Variants in CTNNA2 observed in about 807,000 individuals in gnomAD.
The protein encoded by CTNNA2 is catenin alpha 2.
In CTNNA2, 42 loss-of-function variants were observed where a neutral mutation model predicts 101.0. That is an observed-to-expected ratio of 0.42 (90% CI 0.32 to 0.54). CTNNA2 has a LOEUF of 0.54. Ranked by LOEUF, CTNNA2 falls within the 20% of genes least tolerant of loss-of-function variation. CTNNA2 has a pLI of 0.14. For missense variants in CTNNA2, 871 were observed against 1,223.1 expected (o/e 0.71, Z 4.29); for synonymous variants, 450 against 456.4 (o/e 0.99, Z 0.18).
chr2:79,272,021 C>T (rs984136381), intron 2 of CTNNA2, among the ~76,000 whole-genome samples: 1 of 151,992 alleles, frequency 6.6e-6, no homozygotes. Flanking sequence ...TCATACTGGT[C>T]TCTAGTGACT....
chr2:79,669,095 C>T (rs1261314478), intron 2 of CTNNA2, among the ~76,000 whole-genome samples: 2 of 152,092 alleles, frequency 1.3e-5, no homozygotes, highest in Non-Finnish European at 2.9e-5. Context: ...CAGTTGGAAG[C>T]ATTAGTACAT....
chr2:79,589,762 C>T (rs1214400014), intron 1 of CTNNA2, among the ~76,000 whole-genome samples: 5 of 150,288 alleles, frequency 3.3e-5, no homozygotes, highest in Admixed American at 1.3e-4. Context: ...ATCAGGACGG[C>T]GTGGAAACTA....
intron 1 of CTNNA2, among the ~76,000 whole-genome samples, chr2:79,610,751 A>C (rs1185171977): frequency 1.3e-5 from 2 of 152,136 alleles, no homozygotes; most frequent in African/African-American, 2.4e-5. Context: ...GAAGGAGCAC[A>C]AGGAAACCTT....
chr2:80,592,444 G>C (rs936154211), intron 15 of CTNNA2, among the ~76,000 whole-genome samples: 4 of 152,088 alleles, frequency 2.6e-5, no homozygotes, highest in African/African-American at 9.7e-5. Flanking sequence ...TTGACCTTTA[G>C]GCTTCTGTCC....
At chr2:79,777,596 T>C (rs1051972674) in intron 3 of CTNNA2, among the ~76,000 whole-genome samples, 1 of 152,132 alleles carries the variant, frequency 6.6e-6, no homozygotes, top group Non-Finnish European at 1.5e-5. Context: ...GCAGAGAGCT[T>C]GCCCCATTCT....
intron 7 of CTNNA2, among the ~76,000 whole-genome samples, chr2:80,173,949 T>C (rs963584057): frequency 6.6e-6 from 1 of 152,164 alleles, no homozygotes; most frequent in African/African-American, 2.4e-5. Context: ...CAACACCCTC[T>C]ACTGACATAA....
chr2:79,976,957 T>C (rs1483263895), intron 7 of CTNNA2, among the ~76,000 whole-genome samples: 1 of 152,198 alleles, frequency 6.6e-6, no homozygotes, highest in African/African-American at 2.4e-5. Context: ...AGACTTGTTC[T>C]CAGAGTTATA....
chr2:80,177,424 T>C (rs1420648724), intron 7 of CTNNA2, among the ~76,000 whole-genome samples: 1 of 152,192 alleles, frequency 6.6e-6, no homozygotes, highest in Non-Finnish European at 1.5e-5. Context: ...CCAAGGAATG[T>C]TGCCATATTG....
intron 9 of CTNNA2, among the ~76,000 whole-genome samples, chr2:80,421,395 C>A (rs1680514131): frequency 6.6e-6 from 1 of 152,154 alleles, no homozygotes; most frequent in African/African-American, 2.4e-5. Context: ...GCCTTTACTT[C>A]ATTTGCAGGA....
chr2:80,363,257 A>G (rs1229529980), intron 7 of CTNNA2, among the ~76,000 whole-genome samples: 1 of 152,048 alleles, frequency 6.6e-6, no homozygotes, highest in African/African-American at 2.4e-5. Flanking sequence ...ATGAAGAAAA[A>G]AAAATGATGC....
At chr2:80,268,253 G>T (rs1028469640) in intron 7 of CTNNA2, among the ~76,000 whole-genome samples, 1 of 152,210 alleles carries the variant, frequency 6.6e-6, no homozygotes, top group Admixed American at 6.5e-5. Flanking sequence ...AAAGGGGGTG[G>T]GTACCGGCTG....
chr2:79,329,391 A>G (rs1478455082), intron 3 of CTNNA2, among the ~76,000 whole-genome samples: 2 of 152,188 alleles, frequency 1.3e-5, no homozygotes, highest in African/African-American at 4.8e-5. Context: ...TGTAGAATAC[A>G]AATTACTTGT....
intron 7 of CTNNA2, among the ~76,000 whole-genome samples, chr2:80,384,935 A>G (rs1191528459): frequency 6.6e-6 from 1 of 152,076 alleles, no homozygotes; most frequent in Non-Finnish European, 1.5e-5. Context: ...TGCCACATGA[A>G]TAAACATGGA....
chr2:79,802,216 T>G (rs1676221186), intron 3 of CTNNA2, among the ~76,000 whole-genome samples: 1 of 152,160 alleles, frequency 6.6e-6, no homozygotes, highest in Non-Finnish European at 1.5e-5. Context: ...TCATTATTCT[T>G]GTATCACTCC....
chr2:80,037,440 A>G (rs1234724124), intron 7 of CTNNA2, among the ~76,000 whole-genome samples: 2 of 152,258 alleles, frequency 1.3e-5, no homozygotes, highest in African/African-American at 4.8e-5. Context: ...TAGTTTGATA[A>G]TTTTATTACT....
At chr2:80,203,317 A>G (rs927886665) in intron 7 of CTNNA2, among the ~76,000 whole-genome samples, 15 of 152,198 alleles carry the variant, frequency 9.9e-5, no homozygotes, top group African/African-American at 3.6e-4. Context: ...CCAAAGTCTC[A>G]TCCAAGACAA....
intron 7 of CTNNA2, among the ~76,000 whole-genome samples, chr2:80,056,367 G>C (rs1386252202): frequency 6.6e-6 from 1 of 152,174 alleles, no homozygotes; most frequent in East Asian, 1.9e-4. Flanking sequence ...GGCTAGAAAA[G>C]AGTCTTTATT....
At chr2:79,524,134 A>G (rs1341106170) in intron 1 of CTNNA2, among the ~76,000 whole-genome samples, 1 of 152,014 alleles carries the variant, frequency 6.6e-6, no homozygotes, top group Non-Finnish European at 1.5e-5. Context: ...ACAACACTGT[A>G]TTTTAGTTAG....
intron 4 of CTNNA2, among the ~76,000 whole-genome samples, chr2:79,426,951 GTGTAA>G (rs1489347511): frequency 1.3e-5 from 2 of 152,096 alleles, no homozygotes; most frequent in Non-Finnish European, 2.9e-5. Flanking sequence ...ATATGAAGTG[GTGTAA>G]TGTAAGTTTT....
Sources: allele counts gnomAD v4.1 joint callset (sites outside exome capture counted in the v4.1 genomes callset), GRCh38; gene constraint gnomAD v4.1.1; transcripts MANE v1.5; gene names NCBI Gene and HGNC (gene_info 2026-07-23, HGNC 2026-07-21).